FSIP2: variants seen among roughly 807,000 people sequenced by gnomAD.
FSIP2 encodes the protein fibrous sheath interacting protein 2, also known as fibrous sheath-interacting protein 2.
Under a neutral mutation model 510.5 loss-of-function variants are expected in FSIP2, and 367 were observed. The observed-to-expected ratio is 0.72, with a 90% CI of 0.66 to 0.78. The LOEUF (loss-of-function observed/expected upper bound fraction) is 0.78, where lower values mean the gene tolerates loss of function less well. Among genes scored for constraint, FSIP2 ranks in the 30% least tolerant of loss-of-function variants. The pLI is 0.00. For missense variants in FSIP2, 7,594 were observed against 7,901.7 expected (o/e 0.96, Z 1.48); for synonymous variants, 2,601 against 2,732.2 (o/e 0.95, Z 1.50).
intron 18 of FSIP2, among the ~76,000 whole-genome samples, chr2:185,814,697 GA>G (rs1047627101): frequency 2.6e-5 from 4 of 151,870 alleles, no homozygotes; most frequent in Non-Finnish European, 5.9e-5. Flanking sequence ...CATTTTAATG[GA>G]AAAAAGTTTC....
At chr2:185,738,658 AG>A, upstream of FSIP2, 1 of 1,536,064 alleles carries the variant, frequency 6.5e-7, no homozygotes, top group Non-Finnish European at 8.7e-7. Context: ...CTCTCAGATC[AG>A]GCCTCTCGGA....
chr2:185,831,842 T>C lies in FSIP2; in HGVS notation c.20547T>C (p.Asp6849=). The change falls in exon 22 of 23, where the codon GAT becomes GAC. Residue 6849 remains aspartate (D), a synonymous_variant. Transcript: ENST00000424728. ...KFITIFERSK[D]VLGSANPSKE... ...TCACCATCTTTGAAAGATCCAAGGA[T>C]GTTCTTGGCAGTGCAAATCCCTCAA... 2 of 1,609,726 alleles carry C rather than the reference T, an allele frequency of 1.2e-6. No homozygotes were observed. The highest frequency in any genetic ancestry group is 8.5e-7 in the Non-Finnish European group (1 of 1,176,820).
In FSIP2 at chr2:185,793,610, T is replaced by C. The variant is rs772898256; in HGVS notation, c.6474T>C (p.Asp2158=). 92 of 1,533,844 alleles carry C rather than the reference T, an allele frequency of 6.0e-5. 2 individuals carry two copies. The South Asian group carries it at 9.6e-4, about 16-fold the overall frequency. Residue 2158 remains aspartate, a synonymous_variant, in exon 16 of 23, where the codon GAT becomes GAC. Coordinates refer to ENST00000424728, the MANE Select transcript of FSIP2 (RefSeq NM_173651.4). The part of the protein sequence containing the change: ...PKSDVILISN[D]IVNIVLHNLS... The stretch of plus-strand genomic sequence containing the variant: ...CAGATGTCATTTTGATATCCAATGA[T>C]ATAGTGAATATTGTTCTTCATAATC...
chr2:185,811,413 G>C (rs969571799), intron 17 of FSIP2, among the ~76,000 whole-genome samples: 1 of 149,214 alleles, frequency 6.7e-6, no homozygotes, highest in African/African-American at 2.5e-5. Flanking sequence ...AGGTTGCAGT[G>C]AGCCAAGATC....
Position 185,808,299 on chromosome 2 carries a change from T to G in FSIP2, c.18993T>G (p.Ser6331=), listed in dbSNP as rs1455949584. The change falls in exon 17 of 23, where the codon TCT becomes TCG. Residue 6331 remains serine (S), a synonymous_variant. Transcript: ENST00000424728. ...KVIKIIDELK[S]KEKSSSRKGL... is the part of the protein sequence containing the mutation. ...TCAAAATTATTGATGAACTTAAGTC[T>G]AAGGAAAAGTCTTCATCCAGAAAAG... 1 of 1,606,074 alleles carries G rather than the reference T, an allele frequency of 6.2e-7. No individual in the cohort carries two copies. Among genetic ancestry groups the G allele is most frequent in the South Asian group, 1.1e-5 (1 of 89,342 alleles).
chr2:185,754,344 G>A (rs981013218), intron 8 of FSIP2, among the ~76,000 whole-genome samples: 2 of 151,316 alleles, frequency 1.3e-5, no homozygotes, highest in Non-Finnish European at 3.0e-5. Flanking sequence ...TGGGTTTTTC[G>A]CTTCGATATT....
chr2:185,765,565 A>G (rs905260837), intron 13 of FSIP2: 2 of 152,074 alleles, frequency 1.3e-5, no homozygotes, highest in East Asian at 3.9e-4. Flanking sequence ...TATAGTTTGA[A>G]GTCAGGTAGT....
At chr2:185,824,835 G>A (rs1191579853) in intron 20 of FSIP2, among the ~76,000 whole-genome samples, 1 of 151,806 alleles carries the variant, frequency 6.6e-6, no homozygotes, top group African/African-American at 2.4e-5. Context: ...GAAGGATTAT[G>A]CCTCTTTTTA....
At chr2:185,826,262 AGTC>A (rs1048487527) in intron 20 of FSIP2, among the ~76,000 whole-genome samples, 16 of 151,788 alleles carry the variant, frequency 1.1e-4, no homozygotes, top group African/African-American at 3.9e-4. Context: ...CCAAATCTCA[AGTC>A]ATCACAATGG....
chr2:185,738,394 A>T (rs1691829938), upstream of FSIP2: 9 of 554,906 alleles, frequency 1.6e-5, no homozygotes, highest in South Asian at 1.9e-4. Flanking sequence ...TGAGCCCCTT[A>T]GGAAGCCAAC....
Position 185,815,400 on chromosome 2 carries a change from AAC to A in FSIP2, c.20359_20360del (p.His6787LeufsTer23). 2 of 1,529,148 alleles carry A rather than the reference AAC, an allele frequency of 1.3e-6. No homozygotes were observed. Among genetic ancestry groups the A allele is most frequent in the Non-Finnish European group, 1.8e-6 (2 of 1,114,840 alleles). 94.7% of individuals were successfully genotyped at this position (1,529,148 alleles called of 1,614,324 possible). On this transcript the variant is annotated frameshift_variant, in exon 19 of 23. Coordinates refer to ENST00000424728, the MANE Select transcript of FSIP2 (RefSeq NM_173651.4). LOFTEE classifies it high-confidence loss of function. ...KEEKNLVTEPTHYFIHRIMSS... is the reference protein window; with the variant it reads ...KEEKNLVTEPXHYFIHRIMSS... The stretch of plus-strand genomic sequence containing the variant: ...AAGAAAAGAATCTTGTTACTGAACC[AAC>A]ACATTACTTCATACACAGAATTATG...
intron 14 of FSIP2, chr2:185,784,272 T>C (rs1444436134): frequency 6.6e-6 from 1 of 152,088 alleles, no homozygotes; most frequent in African/African-American, 2.4e-5. Flanking sequence ...ATAAGTAACT[T>C]TGTATTACAG....
At chr2:185,764,364 T>C (rs1285012731) in intron 12 of FSIP2, 138 bp from the exon 13 acceptor site, 1 of 532,800 alleles carries the variant, frequency 1.9e-6, no homozygotes, top group South Asian at 2.9e-5. Context: ...AAAACGTGCA[T>C]TTCTTATAAA....
At position 185,795,177 on chromosome 2, in the gene FSIP2, C is replaced by T; in HGVS notation, c.8041C>T (p.His2681Tyr). Residue 2681 changes from histidine to tyrosine, a missense_variant, in exon 16 of 23, where the codon CAC becomes TAC. By Grantham distance (83) the His-to-Tyr change is moderately conservative. Transcript: ENST00000424728. Reference protein sequence around the residue: ...TTLPKFTKKTHLGLSAAKAKS... With the variant: ...TTLPKFTKKTYLGLSAAKAKS... ...TTTGCCTAAATTTACAAAAAAAACA[C>T]ACTTAGGACTGAGTGCTGCTAAGGC... 1 of 1,534,674 alleles carries T rather than the reference C, an allele frequency of 6.5e-7. No homozygotes were observed. The highest frequency in any genetic ancestry group is 2.4e-5 in the East Asian group (1 of 40,838).
At position 185,794,855 on chromosome 2, in the gene FSIP2, C is replaced by T; in HGVS notation, c.7719C>T (p.His2573=). Reference sequence around the variant, plus strand: ...GGACAGAAGTTGAAATATCTGACCACAATGATTCCTTACTAATGAAACCAT... The same window carrying T: ...GGACAGAAGTTGAAATATCTGACCATAATGATTCCTTACTAATGAAACCAT... ...KSRTEVEISD[H]NDSLLMKPLR... The change falls in exon 16 of 23, where the codon CAC becomes CAT. Residue 2573 remains histidine, a synonymous_variant. Coordinates refer to ENST00000424728, the MANE Select transcript of FSIP2 (RefSeq NM_173651.4). 3.9e-6 allele frequency: 6 copies of T among 1,531,636 alleles called. No homozygotes were observed. The highest frequency in any genetic ancestry group is 4.4e-6 in the Non-Finnish European group (5 of 1,143,702). The allele number at this position is 1,531,636 out of a possible 1,614,324, so 94.9% of individuals were successfully genotyped here. A position where few individuals can be genotyped will look rare whatever the true frequency, so the allele number is the denominator to read the frequency against.
intron 13 of FSIP2, among the ~76,000 whole-genome samples, chr2:185,775,728 A>G (rs906266270): frequency 1.3e-5 from 2 of 152,046 alleles, no homozygotes; most frequent in Admixed American, 1.3e-4. Flanking sequence ...CAGTGGTGCA[A>G]TCTCGGCTCA....
chr2:185,819,989 A>C (rs994235248), intron 19 of FSIP2, among the ~76,000 whole-genome samples: 1 of 152,004 alleles, frequency 6.6e-6, no homozygotes, highest in Non-Finnish European at 1.5e-5. Flanking sequence ...CAATAATAGT[A>C]AATGACTTCA....
chr2:185,776,360 T>C (rs930357051), intron 13 of FSIP2, among the ~76,000 whole-genome samples: 3 of 152,204 alleles, frequency 2.0e-5, no homozygotes, highest in Non-Finnish European at 4.4e-5. Flanking sequence ...CTCAACACTG[T>C]ACATTTTGAT....
rs1219126679 is a variant in FSIP2 at position 185,813,758 on chromosome 2, A to G, written c.20041A>G (p.Lys6681Glu). The G allele has an allele frequency of 6.2e-7, 1 of 1,613,048 alleles. No homozygotes were observed. The highest frequency in any genetic ancestry group is 1.7e-5 in the Admixed American group (1 of 59,854). Reference protein sequence around the residue: ...TQTFAKEEGIKVFEDQVKEVK... With the variant: ...TQTFAKEEGIEVFEDQVKEVK... The stretch of plus-strand genomic sequence containing the variant: ...GACTTTTGCAAAAGAAGAAGGCATC[A>G]AAGTATTTGAAGATCAAGTGAAAGA... The change falls in exon 18 of 23, where the codon AAA becomes GAA. Residue 6681 changes from lysine (K) to glutamate (E), a missense_variant. Physicochemically the swap from Lys to Glu is moderately conservative, Grantham distance 56. Transcript: ENST00000424728.
Sources: gnomAD v4.1 joint callset for allele counts (sites outside exome capture counted in the v4.1 genomes callset) on GRCh38, gnomAD v4.1.1 for gene constraint, MANE v1.5 for transcripts, NCBI Gene and HGNC (gene_info 2026-07-23, HGNC 2026-07-21) for gene names.